The following DMD variants were observed in gnomAD, a reference collection of about 807,000 sequenced individuals.
DMD encodes the protein mutant dystrophin.
Under a neutral mutation model 330.1 loss-of-function variants are expected in DMD, and 63 were observed. That is an observed-to-expected ratio of 0.19 (90% CI 0.16 to 0.24). The LOEUF (loss-of-function observed/expected upper bound fraction) is 0.24, where lower values mean the gene tolerates loss of function less well. Ranked by LOEUF, DMD falls within the 10% of genes least tolerant of loss-of-function variation. DMD has a pLI of 1.00. For synonymous variants in DMD, 1,223 were observed against 959.8 expected (o/e 1.27, Z -5.07); for missense variants, 3,344 against 2,684.1 (o/e 1.25, Z -5.43).
chrX:31,325,949 G>GTTTT lies in DMD; in HGVS notation c.9164-2295_9164-2292dup, dbSNP rs79784755. The stretch of plus-strand genomic sequence containing the variant: ...CAATTTCTCTTATTATACCTTTCTA[G>GTTTT]TTTTTTTTTTTTTTTATCATTCTAG... On this transcript the variant is annotated intron_variant, in intron 61 of 78. Coordinates refer to ENST00000357033, the MANE Select transcript of DMD (RefSeq NM_004006.3). Among the ~76,000 whole-genome samples, 405 of 98,063 alleles carry GTTTT rather than the reference G, an allele frequency of 4.1e-3. 6 individuals carry two copies. The highest frequency in any genetic ancestry group is 5.6e-3 in the African/African-American group (148 of 26,250). 85.2% of individuals were successfully genotyped at this position (98,063 alleles called of 115,157 possible).
chrX:32,603,459 A>C (rs1461806881), intron 12 of DMD, among the ~76,000 whole-genome samples: 1 of 111,603 alleles, frequency 9.0e-6, no homozygotes, highest in African/African-American at 3.2e-5. Context: ...TGAACTAGAA[A>C]ACCAAGAACA....
chrX:32,631,952 A>G (rs1248123171), intron 11 of DMD, among the ~76,000 whole-genome samples: 1 of 111,425 alleles, frequency 9.0e-6, no homozygotes, highest in Admixed American at 9.5e-5. Flanking sequence ...ACATACAATC[A>G]TGTCTTCCAA....
intron 41 of DMD, among the ~76,000 whole-genome samples, chrX:32,338,657 A>C (rs2097726717): frequency 9.0e-6 from 1 of 111,479 alleles, no homozygotes; most frequent in Non-Finnish European, 1.9e-5. Context: ...TTCCACAATA[A>C]TCATAATTTT....
intron 59 of DMD, among the ~76,000 whole-genome samples, chrX:31,476,651 C>T (rs750528739): frequency 2.4e-3 from 259 of 109,911 alleles, no homozygotes; most frequent in African/African-American, 7.9e-3. Flanking sequence ...AGTATTCTCC[C>T]GCAAGGAGTT....
In DMD at chrX:32,996,476, C is replaced by A. The variant is rs1192536058; in HGVS notation, c.93+23663G>T. 2.7e-5 allele frequency among the ~76,000 whole-genome samples: 3 copies of A among 111,273 alleles called. No homozygotes were observed. In the East Asian group the frequency reaches 8.4e-4, roughly 31 times the overall value. ...ATTAAAGTACTTTAGATTGCCCTGC[C>A]AACTGTAGGAGACCGAAATATGCCA... On this transcript the variant is annotated intron_variant, in intron 2 of 78. Transcript: ENST00000357033.
intron 55 of DMD, among the ~76,000 whole-genome samples, chrX:31,613,906 C>G (rs994700082): frequency 1.8e-5 from 2 of 111,861 alleles, no homozygotes; most frequent in African/African-American, 6.5e-5. Flanking sequence ...TTTTCCACTA[C>G]GGGTATATAT....
At chrX:32,877,410 C>A (rs935541571) in intron 2 of DMD, among the ~76,000 whole-genome samples, 10 of 112,540 alleles carry the variant, frequency 8.9e-5, no homozygotes, top group African/African-American at 2.9e-4. Flanking sequence ...TGCTATAATT[C>A]TGAACTTTTT....
intron 59 of DMD, among the ~76,000 whole-genome samples, chrX:31,472,724 A>G (rs2149223188): frequency 8.9e-6 from 1 of 112,273 alleles, no homozygotes; most frequent in South Asian, 3.7e-4. Flanking sequence ...TGGCATCGTC[A>G]CTTCATCATA....
intron 43 of DMD, among the ~76,000 whole-genome samples, chrX:32,220,414 A>G (rs1158257129): frequency 9.0e-6 from 1 of 111,655 alleles, no homozygotes; most frequent in African/African-American, 3.2e-5. Flanking sequence ...CAAACAAAAT[A>G]TTAAAGAATA....
intron 68 of DMD, among the ~76,000 whole-genome samples, chrX:31,180,854 C>T (rs1224109820): frequency 4.5e-5 from 5 of 111,864 alleles, no homozygotes; most frequent in Non-Finnish European, 9.4e-5. Flanking sequence ...CTGTGCATGC[C>T]CCTTACCCAT....
chrX:31,181,035 C>A (rs1317331310), intron 68 of DMD, among the ~76,000 whole-genome samples: 1 of 111,989 alleles, frequency 8.9e-6, no homozygotes, highest in Non-Finnish European at 1.9e-5. Flanking sequence ...CTCGAATGAA[C>A]TCTTTTATCT....
At chrX:31,650,972 G>C (rs1176241542) in intron 54 of DMD, among the ~76,000 whole-genome samples, 1 of 111,776 alleles carries the variant, frequency 8.9e-6, no homozygotes, top group Admixed American at 9.5e-5. Flanking sequence ...AATCTACAAA[G>C]GATGAAGAGG....
At chrX:31,508,283 A>T (rs748480608) in intron 55 of DMD, 3 of 1,191,303 alleles carry the variant, frequency 2.5e-6, no homozygotes, top group Non-Finnish European at 3.4e-6. Flanking sequence ...GTTGCATAGC[A>T]ATCCTGAGAA....
intron 1 of DMD, among the ~76,000 whole-genome samples, chrX:33,333,322 A>G: frequency 9.1e-6 from 1 of 109,433 alleles, no homozygotes. Context: ...AAATACACAA[A>G]AAAAGCTCCC....
chrX:32,434,329 G>C (rs1056287432), intron 29 of DMD, among the ~76,000 whole-genome samples: 3 of 111,990 alleles, frequency 2.7e-5, no homozygotes, highest in African/African-American at 9.7e-5. Context: ...AGAATTGCTT[G>C]AACCCAGGAG....
At chrX:32,381,893 A>T (rs1370353969) in intron 33 of DMD, among the ~76,000 whole-genome samples, 2 of 111,015 alleles carry the variant, frequency 1.8e-5, no homozygotes, top group African/African-American at 6.5e-5. Context: ...TAAGTATGTT[A>T]GGCTCTGCGA....
At position 32,851,415 on chromosome X, in the gene DMD, A is replaced by G. The variant is rs753842488; in HGVS notation, c.94-1595T>C. Among the ~76,000 whole-genome samples the G allele has an allele frequency of 4.4e-5, 5 of 112,522 alleles. No homozygotes were observed. The South Asian group carries it at 1.1e-3, about 25-fold the overall frequency. On this transcript the variant is annotated intron_variant, in intron 2 of 78. Transcript: ENST00000357033. Reference sequence around the variant, plus strand: ...TTTCAAATTCCATGGGAAAAAGAACATAACACAAAACCCTAACATGCTAGA... The same window carrying G: ...TTTCAAATTCCATGGGAAAAAGAACGTAACACAAAACCCTAACATGCTAGA...
At chrX:31,323,516 C>T in intron 62 of DMD, 82 bp downstream of exon 62, 2 of 855,148 alleles carry the variant, frequency 2.3e-6, no homozygotes, top group African/African-American at 2.0e-5. Flanking sequence ...GCTAATGTCG[C>T]ATTTTAAAAA....
At chrX:32,431,025 A>G (rs753796059) in intron 29 of DMD, among the ~76,000 whole-genome samples, 11 of 112,089 alleles carry the variant, frequency 9.8e-5, no homozygotes, top group Non-Finnish European at 1.5e-4. Context: ...TAAACAATAG[A>G]GTGCAGATAA....
Sources: allele counts gnomAD v4.1 joint callset (sites outside exome capture counted in the v4.1 genomes callset), GRCh38; gene constraint gnomAD v4.1.1; transcripts MANE v1.5; gene names NCBI Gene and HGNC (gene_info 2026-07-23, HGNC 2026-07-21).